Variants in PCSK5 observed in about 807,000 individuals in gnomAD.
The protein encoded by PCSK5 is prohormone convertase 5.
A neutral mutation model predicts 233.2 loss-of-function variants in PCSK5; 129 were observed. That is an observed-to-expected ratio of 0.55 (90% CI 0.48 to 0.64). PCSK5 has a LOEUF of 0.64. PCSK5 is among the 30% of genes least tolerant of loss of function. The probability of loss-of-function intolerance (pLI) is 0.00; values close to 1 mark genes in which losing one functional copy is unlikely to be tolerated. For missense variants in PCSK5, 2,076 were observed against 2,430.1 expected (o/e 0.85, Z 3.06); for synonymous variants, 825 against 879.2 (o/e 0.94, Z 1.09).
intron 1 of PCSK5, among the ~76,000 whole-genome samples, chr9:75,913,347 C>T (rs1822834316): frequency 6.6e-6 from 1 of 152,220 alleles, no homozygotes; most frequent in Non-Finnish European, 1.5e-5. Flanking sequence ...TGCTTAATTA[C>T]AGTCATTTGC....
intron 2 of PCSK5, among the ~76,000 whole-genome samples, chr9:75,940,613 G>C (rs901238091): frequency 6.6e-6 from 1 of 152,214 alleles, no homozygotes; most frequent in Non-Finnish European, 1.5e-5. Context: ...TAGATTTTCA[G>C]GTGCCTGGGG....
At chr9:76,180,099 AT>A (rs779075908) in intron 15 of PCSK5, among the ~76,000 whole-genome samples, 168 of 146,342 alleles carry the variant, frequency 1.1e-3, no homozygotes, top group Non-Finnish European at 2.1e-3. Flanking sequence ...ATATATATAT[AT>A]ATATACACAC....
intron 12 of PCSK5, among the ~76,000 whole-genome samples, chr9:76,168,172 G>C (rs1379601977): frequency 6.6e-6 from 1 of 152,098 alleles, no homozygotes; most frequent in Non-Finnish European, 1.5e-5. Flanking sequence ...ATTTATTTGA[G>C]ACAGAGTCTC....
chr9:75,988,113 T>G (rs1025034409), intron 3 of PCSK5, among the ~76,000 whole-genome samples: 2 of 152,192 alleles, frequency 1.3e-5, no homozygotes, highest in African/African-American at 4.8e-5. Flanking sequence ...TATTATTTCA[T>G]GTCTTTCCAA....
intron 2 of PCSK5, among the ~76,000 whole-genome samples, chr9:75,955,872 C>A (rs1825072963): frequency 6.6e-6 from 1 of 152,040 alleles, no homozygotes; most frequent in Admixed American, 6.6e-5. Context: ...GTGCTATCAC[C>A]CCTGTTGAGA....
chr9:76,125,989 C>A (rs1832834531), intron 9 of PCSK5, among the ~76,000 whole-genome samples: 1 of 152,140 alleles, frequency 6.6e-6, no homozygotes, highest in Non-Finnish European at 1.5e-5. Flanking sequence ...CTGTGTACCC[C>A]TCATTATCAG....
intron 20 of PCSK5, among the ~76,000 whole-genome samples, chr9:76,218,255 A>G (rs1431243729): frequency 6.6e-6 from 1 of 152,180 alleles, no homozygotes; most frequent in Non-Finnish European, 1.5e-5. Flanking sequence ...TTTGTTTGGT[A>G]TAGGGAGGCT....
At chr9:76,228,640 A>G (rs1020150229) in intron 21 of PCSK5, among the ~76,000 whole-genome samples, 1 of 152,224 alleles carries the variant, frequency 6.6e-6, no homozygotes, top group African/African-American at 2.4e-5. Flanking sequence ...TTTTCAGTCA[A>G]TGCTCCTCTG....
intron 5 of PCSK5, among the ~76,000 whole-genome samples, chr9:76,047,832 A>G (rs1320345327): frequency 6.6e-6 from 1 of 152,236 alleles, no homozygotes; most frequent in Non-Finnish European, 1.5e-5. Context: ...TCATGAGTTT[A>G]TTACCTAATA....
intron 32 of PCSK5, among the ~76,000 whole-genome samples, 156 bp downstream of exon 32, chr9:76,323,444 C>T (rs1829269964): frequency 6.6e-6 from 1 of 152,152 alleles, no homozygotes; most frequent in African/African-American, 2.4e-5. Flanking sequence ...AGTTCAGTAG[C>T]ACGAACATGG....
At position 76,169,720 on chromosome 9, in the gene PCSK5, A is replaced by T. The variant is rs201308870; in HGVS notation, c.1636A>T (p.Met546Leu). 12 of 1,613,496 alleles carry T rather than the reference A, an allele frequency of 7.4e-6. No individual in the cohort carries two copies. Among genetic ancestry groups the T allele is most frequent in the Non-Finnish European group, 1.0e-5 (12 of 1,179,640 alleles). ...CACTTTCAGGCTATTTGATCACTCC[A>T]TGGAAGGATTCAAAAACTGGGAGTT... ...LLANRLFDHSMEGFKNWEFMT... is the reference protein window; with the variant it reads ...LLANRLFDHSLEGFKNWEFMT... Residue 546 changes from methionine to leucine, a missense_variant, in exon 13 of 38, where the codon ATG becomes TTG. By Grantham distance (15) the Met-to-Leu change is conservative (BLOSUM62 2). This residue lies in a region of PCSK5 where 50 missense variants were observed against 104.7 expected (regional missense o/e 0.48). Transcript: ENST00000674117.
At chr9:76,317,307 G>A (rs1829061681) in intron 30 of PCSK5, among the ~76,000 whole-genome samples, 1 of 152,196 alleles carries the variant, frequency 6.6e-6, no homozygotes, top group Admixed American at 6.5e-5. Context: ...AGGTTGCAGT[G>A]AGTTGAGATC....
chr9:76,260,055 T>G (rs71509860), intron 24 of PCSK5, among the ~76,000 whole-genome samples: 22 of 152,382 alleles, frequency 1.4e-4, no homozygotes, highest in Middle Eastern at 6.8e-3. Context: ...TAAAGGATTC[T>G]GCTGCTAAAG....
intron 2 of PCSK5, among the ~76,000 whole-genome samples, chr9:75,951,556 A>G (rs985226676): frequency 6.6e-6 from 1 of 152,182 alleles, no homozygotes; most frequent in African/African-American, 2.4e-5. Flanking sequence ...AAGGATAGAC[A>G]TAGAAAAATG....
At chr9:76,085,719 G>T (rs1831038038) in intron 7 of PCSK5, among the ~76,000 whole-genome samples, 1 of 152,224 alleles carries the variant, frequency 6.6e-6, no homozygotes, top group South Asian at 2.1e-4. Flanking sequence ...GTAAGATCAA[G>T]TATTATTACT....
At chr9:75,894,809 G>A (rs1825744339) in intron 1 of PCSK5, among the ~76,000 whole-genome samples, 1 of 152,074 alleles carries the variant, frequency 6.6e-6, no homozygotes, top group Non-Finnish European at 1.5e-5. Flanking sequence ...CTAATCATGT[G>A]CTCTGACCCT....
intron 9 of PCSK5, among the ~76,000 whole-genome samples, chr9:76,128,381 T>C (rs1027432090): frequency 1.3e-5 from 2 of 152,198 alleles, no homozygotes; most frequent in South Asian, 2.1e-4. Flanking sequence ...AGCTTCATAA[T>C]TGCGATTTGA....
intron 2 of PCSK5, among the ~76,000 whole-genome samples, chr9:75,937,562 C>T (rs761174894): frequency 3.3e-5 from 5 of 152,162 alleles, no homozygotes; most frequent in East Asian, 1.9e-4. Context: ...TCACCAGCTC[C>T]GTTAGCCCCT....
At chr9:76,079,353 G>T (rs563168000) in intron 7 of PCSK5, among the ~76,000 whole-genome samples, 43 of 152,068 alleles carry the variant, frequency 2.8e-4, no homozygotes, top group Admixed American at 1.2e-3. Context: ...TGGCCGGGTT[G>T]GTCTCGAACT....
Sources: gnomAD v4.1 joint callset for allele counts (sites outside exome capture counted in the v4.1 genomes callset) on GRCh38, gnomAD v4.1.1 for gene constraint, gnomAD v4.1.1 regional missense constraint, MANE v1.5 for transcripts, NCBI Gene and HGNC (gene_info 2026-07-23, HGNC 2026-07-21) for gene names.